The following MARCHF1 variants were observed in gnomAD, a reference collection of about 807,000 sequenced individuals.
MARCHF1 encodes the protein E3 ubiquitin-protein ligase MARCHF1.
Under a neutral mutation model 54.2 loss-of-function variants are expected in MARCHF1, and 40 were observed. The ratio of observed to expected loss-of-function variants is 0.74; its 90% CI spans 0.57 to 0.96. MARCHF1 has a LOEUF of 0.96. Ranked by LOEUF, MARCHF1 falls within the 40% of genes least tolerant of loss-of-function variation. The pLI is 0.00. For synonymous variants in MARCHF1, 236 were observed against 236.3 expected (o/e 1.00, Z 0.01); for missense variants, 586 against 656.5 (o/e 0.89, Z 1.17).
At position 164,100,444 on chromosome 4, in the gene MARCHF1, C is replaced by T. The variant is rs1004415852; in HGVS notation, c.-248+11144G>A. Among the ~76,000 whole-genome samples the T allele has an allele frequency of 6.6e-5, 10 of 152,322 alleles. No homozygotes were observed. In the East Asian group the frequency reaches 1.4e-3, roughly 21 times the overall value. ...ATTTAGAGTTCCTTCCTGACAAAAA[C>T]AAATTTAATCCTGCACACAGGTACT... On this transcript the variant is annotated intron_variant, in intron 2 of 9. Coordinates refer to ENST00000514618, the MANE Select transcript of MARCHF1 (RefSeq NM_001394959.1).
chr4:163,720,478 T>C (rs1745412836), intron 4 of MARCHF1, among the ~76,000 whole-genome samples: 1 of 152,116 alleles, frequency 6.6e-6, no homozygotes, highest in African/African-American at 2.4e-5. Flanking sequence ...TCCGGCTTTG[T>C]TCTTTTGGCT....
intron 1 of MARCHF1, among the ~76,000 whole-genome samples, chr4:164,362,354 C>G (rs1228735023): frequency 6.6e-6 from 1 of 152,044 alleles, no homozygotes; most frequent in Non-Finnish European, 1.5e-5. Flanking sequence ...GTACCCCAAA[C>G]CAGAAAAATC....
At chr4:163,540,158 G>A (rs1252727376) in intron 9 of MARCHF1, among the ~76,000 whole-genome samples, 2 of 152,176 alleles carry the variant, frequency 1.3e-5, no homozygotes, top group African/African-American at 4.8e-5. Context: ...TGATTTCTCA[G>A]AGTATTCTGC....
chr4:163,774,813 A>G (rs1358647015), intron 4 of MARCHF1, among the ~76,000 whole-genome samples: 1 of 152,030 alleles, frequency 6.6e-6, no homozygotes, highest in Non-Finnish European at 1.5e-5. Context: ...GCATTTTGAT[A>G]ACTCTTTATT....
In MARCHF1 at chr4:164,147,393, A is replaced by T. The variant is rs957679036; in HGVS notation, c.-322-35731T>A. 2.8e-5 allele frequency among the ~76,000 whole-genome samples: 4 copies of T among 144,390 alleles called. 1 individual carries two copies. The highest frequency in any genetic ancestry group is 5.5e-5 in the African/African-American group (2 of 36,072). 94.7% of individuals were successfully genotyped at this position (144,390 alleles called of 152,430 possible). On this transcript the variant is annotated intron_variant, in intron 1 of 9. Transcript: ENST00000514618. ...GCGCACGTATGTTTATTGCAGCATTATTCACAATAGCAAAGACTTGGAACT... is the reference window on the plus strand; with the variant it reads ...GCGCACGTATGTTTATTGCAGCATTTTTCACAATAGCAAAGACTTGGAACT...
intron 4 of MARCHF1, among the ~76,000 whole-genome samples, chr4:163,742,376 C>T (rs1228437251): frequency 8.1e-6 from 1 of 124,130 alleles, no homozygotes; most frequent in African/African-American, 3.1e-5. Flanking sequence ...CTCTCCCTCC[C>T]TCGCTACCTC....
chr4:164,054,535 A>T (rs1207727603), intron 2 of MARCHF1, among the ~76,000 whole-genome samples: 6 of 152,170 alleles, frequency 3.9e-5, no homozygotes, highest in Non-Finnish European at 7.3e-5. Flanking sequence ...CAAATGTCCA[A>T]CAATGATAGA....
chr4:163,986,593 T>A (rs1221579722), intron 3 of MARCHF1, among the ~76,000 whole-genome samples: 1 of 152,124 alleles, frequency 6.6e-6, no homozygotes, highest in Admixed American at 6.5e-5. Flanking sequence ...GAGTGCCCAC[T>A]AACTCCCATT....
In MARCHF1 at chr4:163,733,197, A is replaced by ATATATATATACACGTG. The variant is rs1554008828; in HGVS notation, c.112-32335_112-32334insCACGTGTATATATATA. Among the ~76,000 whole-genome samples, 8 of 32,316 alleles carry ATATATATATACACGTG rather than the reference A, an allele frequency of 2.5e-4. No individual in the cohort carries two copies. In the East Asian group the frequency reaches 4.9e-3, roughly 20 times the overall value. 21.2% of individuals were successfully genotyped at this position (32,316 alleles called of 152,430 possible). On this transcript the variant is annotated intron_variant, in intron 4 of 9. Coordinates refer to ENST00000514618, the MANE Select transcript of MARCHF1 (RefSeq NM_001394959.1). ...TGTGTGTATATATATATATATATAT[A>ATATATATATACACGTG]TATATATATATATATATATATATAC...
intron 1 of MARCHF1, among the ~76,000 whole-genome samples, chr4:164,206,061 G>A (rs965100117): frequency 6.6e-6 from 1 of 152,128 alleles, no homozygotes; most frequent in African/African-American, 2.4e-5. Context: ...GGTATTCTTA[G>A]ATTTCTACTT....
chr4:164,243,725 G>A (rs1183234205), intron 1 of MARCHF1, among the ~76,000 whole-genome samples: 2 of 152,168 alleles, frequency 1.3e-5, no homozygotes, highest in African/African-American at 4.8e-5. Flanking sequence ...CTCACGGGCA[G>A]AGACATACAT....
At chr4:163,808,121 C>A (rs963679683) in intron 4 of MARCHF1, among the ~76,000 whole-genome samples, 1 of 152,198 alleles carries the variant, frequency 6.6e-6, no homozygotes, top group East Asian at 1.9e-4. Flanking sequence ...CACGCAGATA[C>A]TAAGTGACAT....
chr4:163,780,591 G>T (rs1747436520), intron 4 of MARCHF1, among the ~76,000 whole-genome samples: 1 of 143,250 alleles, frequency 7.0e-6, no homozygotes, highest in Admixed American at 7.2e-5. Context: ...AGAAAAAAAA[G>T]AACTTCCTTT....
At chr4:164,241,525 C>T (rs1359028169) in intron 1 of MARCHF1, among the ~76,000 whole-genome samples, 1 of 152,086 alleles carries the variant, frequency 6.6e-6, no homozygotes, top group Non-Finnish European at 1.5e-5. Context: ...GTCAAGAGGC[C>T]TAAAATCAAG....
At chr4:163,668,508 A>C (rs1384118959) in intron 5 of MARCHF1, among the ~76,000 whole-genome samples, 1 of 152,204 alleles carries the variant, frequency 6.6e-6, no homozygotes, top group Non-Finnish European at 1.5e-5. Flanking sequence ...TGGAGGTAGA[A>C]TGGGCAAGGA....
At chr4:163,900,104 T>A (rs1750905376) in intron 3 of MARCHF1, among the ~76,000 whole-genome samples, 1 of 152,122 alleles carries the variant, frequency 6.6e-6, no homozygotes. Context: ...CAAGATTTTA[T>A]TTATAATCTT....
chr4:164,350,648 GAAAA>G lies in MARCHF1; in HGVS notation c.-323+33218_-323+33221del, dbSNP rs200563671. 4.6e-3 allele frequency among the ~76,000 whole-genome samples: 707 copies of G among 152,140 alleles called. 6 individuals carry two copies. The highest frequency in any genetic ancestry group is 0.016 in the African/African-American group (660 of 41,496). On this transcript the variant is annotated intron_variant, in intron 1 of 9. Transcript: ENST00000514618. ...TACAATTATTTCTTGTCAACTAAAAGAAAAAGAAAAAACAATGTGTGCCAATCTA... is the reference window on the plus strand; with the variant it reads ...TACAATTATTTCTTGTCAACTAAAAGAGAAAAAACAATGTGTGCCAATCTA...
intron 2 of MARCHF1, among the ~76,000 whole-genome samples, chr4:164,089,484 T>G (rs1755256268): frequency 6.6e-6 from 1 of 152,140 alleles, no homozygotes; most frequent in South Asian, 2.1e-4. Flanking sequence ...AAGTGTTGTA[T>G]ATGTCTATTA....
intron 8 of MARCHF1, among the ~76,000 whole-genome samples, chr4:163,576,782 C>A (rs1740053439): frequency 6.6e-6 from 1 of 151,226 alleles, no homozygotes; most frequent in South Asian, 2.1e-4. Flanking sequence ...GAAATGAACT[C>A]TTTATTATTA....
Sources: allele counts gnomAD v4.1 joint callset (sites outside exome capture counted in the v4.1 genomes callset), GRCh38; gene constraint gnomAD v4.1.1; transcripts MANE v1.5; gene names NCBI Gene and HGNC (gene_info 2026-07-23, HGNC 2026-07-21).